RASSF4: variants seen among roughly 807,000 people sequenced by gnomAD.
RASSF4 encodes the protein Ras association domain family member 4, also known as ras association domain-containing protein 4.
In RASSF4, 38 loss-of-function variants were observed where a neutral mutation model predicts 41.1. The ratio of observed to expected loss-of-function variants is 0.92; its 90% CI spans 0.71 to 1.21. RASSF4 has a LOEUF of 1.21. RASSF4 is among the 50% of genes most tolerant of loss of function. RASSF4 has a pLI of 0.00. For missense variants in RASSF4, 414 were observed against 419.4 expected, an observed-to-expected ratio of 0.99 and a Z score of 0.11; for synonymous variants, 179 against 163.4, an observed-to-expected ratio of 1.10 and a Z score of -0.73.
chr10:44,963,684 C>T (rs954686672), intron 1 of RASSF4, among the ~76,000 whole-genome samples: 7 of 152,166 alleles, frequency 4.6e-5, no homozygotes, highest in Admixed American at 1.3e-4. Flanking sequence ...AGGTCACTTT[C>T]GTTATGACCT....
At position 44,987,593 on chromosome 10, in the gene RASSF4, T is replaced by TGAACATGTGG. The variant is rs1250120830; in HGVS notation, c.532-1680_532-1679insAACATGTGGG. On this transcript the variant is annotated intron_variant, in intron 6 of 10. Transcript: ENST00000340258. ...CAGATTTTTGCAAATGGAAGGTTGC[T>TGAACATGTGG]GTTCAGCAACCTTCCATTTGCAAAA... 7.4e-4 allele frequency among the ~76,000 whole-genome samples: 110 copies of TGAACATGTGG among 148,040 alleles called. 2 individuals are homozygous for TGAACATGTGG. The highest frequency in any genetic ancestry group is 1.0e-4 in the Non-Finnish European group (7 of 67,196).
At chr10:44,985,075 C>G in intron 6 of RASSF4, 105 bp downstream of exon 6, 1 of 1,316,416 alleles carries the variant, frequency 7.6e-7, no homozygotes, top group Non-Finnish European at 1.0e-6. Flanking sequence ...CATTCCTGTG[C>G]CCTCAGGAGG....
chr10:44,982,565 G>C lies in RASSF4; in HGVS notation c.183G>C (p.Trp61Cys). The C allele has an allele frequency of 6.2e-7, 1 of 1,612,574 alleles. No homozygotes were observed. The highest frequency in any genetic ancestry group is 8.5e-7 in the Non-Finnish European group (1 of 1,179,294). Residue 61 changes from tryptophan (W) to cysteine (C), a missense_variant, in exon 4 of 11, where the codon TGG becomes TGC. Physicochemically the swap from Trp to Cys is radical, Grantham distance 215 (BLOSUM62 -2). Coordinates refer to ENST00000340258, the MANE Select transcript of RASSF4 (RefSeq NM_032023.4). ...LIIEGLLNIAWGLRRPIRLQM... is the reference protein window; with the variant it reads ...LIIEGLLNIACGLRRPIRLQM... ...TCGAGGGGCTCCTCAACATTGCCTG[G>C]GGGCTGAGGCGGCCCATCCGGCTGC...
At chr10:44,986,284 C>G (rs959613646) in intron 6 of RASSF4, among the ~76,000 whole-genome samples, 2 of 152,174 alleles carry the variant, frequency 1.3e-5, no homozygotes, top group African/African-American at 4.8e-5. Flanking sequence ...TCATTCATCA[C>G]TAAGAGGTGT....
At position 44,989,729 on chromosome 10, in the gene RASSF4, C is replaced by T. The variant is rs112631475; in HGVS notation, c.685+8C>T. On this transcript the variant is annotated splice_region_variant and intron_variant, in intron 8 of 10. Transcript: ENST00000340258. ...TCGTTCACGAGTCTGGGGGTAAGTA[C>T]CTGCCCCACTTCTGGATCGTAAAAG... 4 of 1,613,504 alleles carry T rather than the reference C, an allele frequency of 2.5e-6. No individual in the cohort carries two copies. The highest frequency in any genetic ancestry group is 3.4e-6 in the Non-Finnish European group (4 of 1,179,428).
chr10:44,969,437 C>T (rs865904276), intron 1 of RASSF4, among the ~76,000 whole-genome samples: 2 of 151,950 alleles, frequency 1.3e-5, no homozygotes, highest in Non-Finnish European at 2.9e-5. Context: ...GTTGCACAGA[C>T]GAGGAAAGGA....
intron 6 of RASSF4, among the ~76,000 whole-genome samples, chr10:44,986,975 T>C (rs75256607): frequency 0.01 from 1,587 of 152,352 alleles, 34 homozygotes; most frequent in African/African-American, 0.036. Flanking sequence ...GATAAGAAAG[T>C]AGCCAGGGGG....
chr10:44,982,377 G>A, intron 3 of RASSF4, 144 bp from the exon 4 acceptor site: 1 of 990,944 alleles, frequency 1.0e-6, no homozygotes. Flanking sequence ...GGCACGTAGT[G>A]GCTGATGGTC....
intron 3 of RASSF4, chr10:44,976,695 T>C (rs1027461442): frequency 6.6e-6 from 1 of 152,638 alleles, no homozygotes; most frequent in Non-Finnish European, 1.5e-5. Context: ...GAGGCCCCTG[T>C]GTGGAAGTGG....
intron 1 of RASSF4, among the ~76,000 whole-genome samples, chr10:44,962,223 G>C (rs935823496): frequency 6.6e-6 from 1 of 152,228 alleles, no homozygotes; most frequent in Non-Finnish European, 1.5e-5. Context: ...CACATGCAAG[G>C]CTCTACAACG....
intron 5 of RASSF4, 101 bp from the exon 6 acceptor site, chr10:44,984,712 C>T: frequency 7.6e-7 from 1 of 1,316,938 alleles, no homozygotes; most frequent in Non-Finnish European, 1.1e-6. Flanking sequence ...TGCCCCAGTG[C>T]ACGTGACCAC....
At chr10:44,989,103 C>T (rs1026177534) in intron 6 of RASSF4, among the ~76,000 whole-genome samples, 171 bp from the exon 7 acceptor site, 21 of 152,182 alleles carry the variant, frequency 1.4e-4, no homozygotes, top group African/African-American at 3.9e-4. Context: ...TACAGCTTCC[C>T]GGAGTGTCTC....
chr10:44,977,771 G>C, intron 3 of RASSF4: 1 of 1,601,222 alleles, frequency 6.2e-7, no homozygotes, highest in Non-Finnish European at 8.5e-7. Flanking sequence ...ACTGAAACGT[G>C]CGGTGATGTC....
chr10:44,961,511 C>A (rs1445231905), intron 1 of RASSF4, among the ~76,000 whole-genome samples: 1 of 152,244 alleles, frequency 6.6e-6, no homozygotes, highest in East Asian at 1.9e-4. Context: ...CAGGTGTCAG[C>A]TCAGACTCTC....
chr10:44,987,494 G>T (rs1388192654), intron 6 of RASSF4, among the ~76,000 whole-genome samples: 1 of 152,004 alleles, frequency 6.6e-6, no homozygotes, highest in Non-Finnish European at 1.5e-5. Flanking sequence ...CGAGCTGGGG[G>T]AAGCAGGTCG....
intron 1 of RASSF4, among the ~76,000 whole-genome samples, chr10:44,961,705 C>T (rs975116474): frequency 4.6e-5 from 7 of 152,286 alleles, no homozygotes; most frequent in African/African-American, 9.6e-5. Flanking sequence ...CAGAAGTCAT[C>T]GAGGATTATA....
intron 3 of RASSF4, chr10:44,977,448 G>T (rs1228943207): frequency 6.2e-7 from 1 of 1,611,350 alleles, no homozygotes; most frequent in African/African-American, 1.3e-5. Flanking sequence ...ACACTGCTGG[G>T]GCGGGGGCGG....
intron 1 of RASSF4, among the ~76,000 whole-genome samples, chr10:44,961,326 G>A (rs1320586261): frequency 6.6e-6 from 1 of 152,208 alleles, no homozygotes; most frequent in African/African-American, 2.4e-5. Flanking sequence ...CAAGGTCCAG[G>A]GTCGCCCTGG....
Position 44,993,504 on chromosome 10 carries a change from C to G in RASSF4, c.*175C>G. On this transcript the variant is annotated 3_prime_UTR_variant, in exon 11 of 11. Transcript: ENST00000340258. The stretch of plus-strand genomic sequence containing the variant: ...TGATTCCCACAGCCAGCTCTTGGCT[C>G]CAAGATGAGCACCCACAGGAAGCCG... 1 of 614,596 alleles carries G rather than the reference C, an allele frequency of 1.6e-6. No homozygotes were observed. Among genetic ancestry groups the G allele is most frequent in the East Asian group, 2.8e-5 (1 of 35,848 alleles). The allele number at this position is 614,596 out of a possible 1,614,324, so 38.1% of individuals were successfully genotyped here. A position where few individuals can be genotyped will look rare whatever the true frequency, so the allele number is the denominator to read the frequency against.
Sources: allele counts gnomAD v4.1 joint callset (sites outside exome capture counted in the v4.1 genomes callset), GRCh38; gene constraint gnomAD v4.1.1; transcripts MANE v1.5; gene names NCBI Gene and HGNC (gene_info 2026-07-23, HGNC 2026-07-21).